RNF38: variants seen among roughly 807,000 people sequenced by gnomAD.
The protein encoded by RNF38 is E3 ubiquitin-protein ligase RNF38.
RNF38 carries 15 observed loss-of-function variants against 67.2 expected under a neutral mutation model. That is an observed-to-expected ratio of 0.22 (90% CI 0.15 to 0.34). The LOEUF (loss-of-function observed/expected upper bound fraction) is 0.34, where lower values mean the gene tolerates loss of function less well. Ranked by LOEUF, RNF38 falls within the 10% of genes least tolerant of loss-of-function variation. RNF38 has a pLI of 1.00. For synonymous variants in RNF38, 220 were observed against 218.8 expected (o/e 1.01, Z -0.05); for missense variants, 524 against 639.9 (o/e 0.82, Z 1.95).
chr9:36,342,409 C>A lies in RNF38; in HGVS notation c.1401G>T (p.Met467Ile), dbSNP rs770851510. 1 of 1,612,762 alleles carries A rather than the reference C, an allele frequency of 6.2e-7. No individual in the cohort carries two copies. The highest frequency in any genetic ancestry group is 8.5e-7 in the Non-Finnish European group (1 of 1,178,802). Residue 467 changes from methionine to isoleucine, a missense_variant, in exon 11 of 12, where the codon ATG (methionine) becomes ATT (isoleucine). By Grantham distance (10) the Met-to-Ile change is conservative. Transcript: ENST00000259605. ...QSEQTLCVVC[M>I]CDFESRQLLR... ...GTAGCTGCCTTGACTCAAAATCACA[C>A]ATGCATACTACACACCTAAAAAAAG...
intron 11 of RNF38, 125 bp from the exon 12 acceptor site, chr9:36,339,939 C>G: frequency 1.1e-6 from 1 of 874,506 alleles, no homozygotes; most frequent in Non-Finnish European, 1.8e-6. Flanking sequence ...AGGTACAAAG[C>G]AATTTTTGCC....
At chr9:36,342,080 A>G (rs958518601) in intron 11 of RNF38, among the ~76,000 whole-genome samples, 1 of 152,172 alleles carries the variant, frequency 6.6e-6, no homozygotes, top group South Asian at 2.1e-4. Flanking sequence ...CCTTGTCCCT[A>G]TATACCATGA....
intron 2 of RNF38, among the ~76,000 whole-genome samples, chr9:36,386,819 T>C (rs1836674053): frequency 6.6e-6 from 1 of 152,224 alleles, no homozygotes; most frequent in Admixed American, 6.5e-5. Flanking sequence ...TTTTTATTTT[T>C]TGAGAGGTAG....
intron 11 of RNF38, among the ~76,000 whole-genome samples, chr9:36,340,528 G>C (rs1195188084): frequency 6.6e-6 from 1 of 151,914 alleles, no homozygotes; most frequent in African/African-American, 2.4e-5. Context: ...GGATTAACAG[G>C]TGTGTGCCAC....
At chr9:36,409,325 AAAAGAAAGAAAG>A (rs1205175097) in intron 2 of RNF38, among the ~76,000 whole-genome samples, 3 of 139,902 alleles carry the variant, frequency 2.1e-5, no homozygotes, top group African/African-American at 5.1e-5. Context: ...GAAAGAAAGA[AAAAGAAAGAAAG>A]AAAGAAAGAA....
intron 2 of RNF38, among the ~76,000 whole-genome samples, chr9:36,410,745 C>T (rs1838301683): frequency 6.6e-6 from 1 of 152,186 alleles, no homozygotes; most frequent in Non-Finnish European, 1.5e-5. Context: ...AAATCAATCA[C>T]GTTTCCAAGA....
intron 3 of RNF38, among the ~76,000 whole-genome samples, chr9:36,373,158 G>T (rs541409070): frequency 3.9e-5 from 6 of 152,306 alleles, no homozygotes; most frequent in Admixed American, 6.5e-5. Flanking sequence ...AGTGAGCCGA[G>T]ATCGCACCAT....
chr9:36,452,261 G>A (rs533070432), intron 1 of RNF38, among the ~76,000 whole-genome samples: 6 of 152,172 alleles, frequency 3.9e-5, no homozygotes, highest in African/African-American at 1.4e-4. Flanking sequence ...AGTGGTTTTA[G>A]TATATTCACT....
At chr9:36,472,167 A>C (rs973617172) in intron 1 of RNF38, among the ~76,000 whole-genome samples, 9 of 152,240 alleles carry the variant, frequency 5.9e-5, no homozygotes, top group Non-Finnish European at 1.2e-4. Context: ...AAGAGCCACC[A>C]AACATATCAA....
intron 1 of RNF38, among the ~76,000 whole-genome samples, chr9:36,485,570 G>T (rs1339369632): frequency 6.6e-6 from 1 of 152,072 alleles, no homozygotes; most frequent in Non-Finnish European, 1.5e-5. Context: ...TCTCTCACAA[G>T]TACATTTTCT....
intron 4 of RNF38, among the ~76,000 whole-genome samples, chr9:36,368,290 T>C (rs1374910888): frequency 1.3e-5 from 2 of 152,108 alleles, no homozygotes; most frequent in Non-Finnish European, 2.9e-5. Flanking sequence ...TATTCCAATA[T>C]ACAGACTCAA....
intron 1 of RNF38, among the ~76,000 whole-genome samples, chr9:36,395,318 G>A (rs1298559327): frequency 6.6e-6 from 1 of 151,198 alleles, no homozygotes; most frequent in Non-Finnish European, 1.5e-5. Flanking sequence ...ATCCTTCTTC[G>A]TTCATTTCCT....
intron 9 of RNF38, among the ~76,000 whole-genome samples, chr9:36,346,060 C>G (rs1833209061): frequency 6.6e-6 from 1 of 152,192 alleles, no homozygotes; most frequent in African/African-American, 2.4e-5. Flanking sequence ...TTTTATCATT[C>G]TTCATTTATT....
chr9:36,459,915 G>A (rs188673651), intron 1 of RNF38, among the ~76,000 whole-genome samples: 51 of 151,664 alleles, frequency 3.4e-4, no homozygotes, highest in South Asian at 6.3e-4. Flanking sequence ...TAACATTGTT[G>A]TATTTTACAC....
intron 1 of RNF38, among the ~76,000 whole-genome samples, chr9:36,392,556 G>C (rs1180448558): frequency 1.3e-5 from 2 of 152,018 alleles, no homozygotes; most frequent in Admixed American, 6.6e-5. Flanking sequence ...GGACAACATA[G>C]AGAAAACCCC....
At chr9:36,380,765 A>AT (rs1836155346) in intron 2 of RNF38, among the ~76,000 whole-genome samples, 1 of 152,336 alleles carries the variant, frequency 6.6e-6, no homozygotes, top group East Asian at 1.9e-4. Flanking sequence ...CAGTGCTGGG[A>AT]TTACAGGTGT....
At chr9:36,361,088 A>G (rs1372774644) in intron 4 of RNF38, among the ~76,000 whole-genome samples, 2 of 152,086 alleles carry the variant, frequency 1.3e-5, no homozygotes, top group African/African-American at 4.8e-5. Flanking sequence ...AAGTGCAGGG[A>G]TTACAGGCAT....
intron 1 of RNF38, among the ~76,000 whole-genome samples, chr9:36,462,393 T>C (rs748068465): frequency 7.2e-5 from 11 of 152,126 alleles, no homozygotes; most frequent in Non-Finnish European, 1.5e-4. Flanking sequence ...CTACAACCCA[T>C]TCTCAGCACA....
intron 9 of RNF38, among the ~76,000 whole-genome samples, chr9:36,347,331 TTGCTTTAC>T (rs1833334824): frequency 6.6e-6 from 1 of 152,102 alleles, no homozygotes; most frequent in Admixed American, 6.5e-5. Context: ...TTACTGCGCT[TTGCTTTAC>T]TGCATGCCAC....
Sources: gnomAD v4.1 joint callset for allele counts (sites outside exome capture counted in the v4.1 genomes callset) on GRCh38, gnomAD v4.1.1 for gene constraint, MANE v1.5 for transcripts, NCBI Gene and HGNC (gene_info 2026-07-23, HGNC 2026-07-21) for gene names.